TMC5: variants seen among roughly 807,000 people sequenced by gnomAD.
TMC5 encodes the protein transmembrane channel like 5, also known as transmembrane channel-like protein 5.
Under a neutral mutation model 110.5 loss-of-function variants are expected in TMC5, and 86 were observed. That is an observed-to-expected ratio of 0.78 (90% CI 0.65 to 0.93). TMC5 has a LOEUF of 0.93. Among genes scored for constraint, TMC5 ranks in the 40% least tolerant of loss-of-function variants. The probability of loss-of-function intolerance (pLI) is 0.00; values close to 1 mark genes in which losing one functional copy is unlikely to be tolerated. For missense variants in TMC5, 1,144 were observed against 1,222.8 expected (o/e 0.94, Z 0.96); for synonymous variants, 455 against 439.5 (o/e 1.04, Z -0.44).
chr16:19,468,988 T>G (rs550403324), intron 9 of TMC5, among the ~76,000 whole-genome samples: 2 of 151,096 alleles, frequency 1.3e-5, no homozygotes, highest in South Asian at 4.2e-4. Flanking sequence ...CAAGACCTCA[T>G]CCCTAAACAA....
In TMC5 at chr16:19,472,260, T is replaced by G. The variant is rs1968363011; in HGVS notation, c.1938+17T>G. On this transcript the variant is annotated intron_variant, in intron 11 of 21. Transcript: ENST00000542583. ...AACTTAGAGGTAACCAACACCAGGG[T>G]CCAGGGCAGAGAGAACCAGGTGAAG... The G allele has an allele frequency of 6.2e-7, 1 of 1,612,426 alleles. No homozygotes were observed. Among genetic ancestry groups the G allele is most frequent in the Non-Finnish European group, 8.5e-7 (1 of 1,179,380 alleles).
chr16:19,421,072 A>C (rs943707423), intron 1 of TMC5, among the ~76,000 whole-genome samples: 23 of 152,140 alleles, frequency 1.5e-4, no homozygotes, highest in African/African-American at 5.6e-4. Flanking sequence ...TATGAGACTC[A>C]TGGACACCTG....
At chr16:19,465,465 G>A (rs957863083) in intron 8 of TMC5, among the ~76,000 whole-genome samples, 1 of 152,048 alleles carries the variant, frequency 6.6e-6, no homozygotes, top group African/African-American at 2.4e-5. Flanking sequence ...AACCCGGGAG[G>A]TTGCAGTGAG....
At chr16:19,481,298 G>A in intron 14 of TMC5, 72 bp from the exon 15 acceptor site, 1 of 1,100,258 alleles carries the variant, frequency 9.1e-7, no homozygotes, top group Non-Finnish European at 1.4e-6. Flanking sequence ...TTTGTTGATT[G>A]TCCTAGTCTG....
chr16:19,483,760 G>T (rs759035339), intron 15 of TMC5, among the ~76,000 whole-genome samples: 9 of 145,750 alleles, frequency 6.2e-5, no homozygotes, highest in African/African-American at 2.3e-4. Context: ...CCTGGGCAGC[G>T]AGAGTGAAAC....
At chr16:19,434,120 TATATATCTAAA>T (rs1967263541) in intron 2 of TMC5, among the ~76,000 whole-genome samples, 1 of 117,818 alleles carries the variant, frequency 8.5e-6, no homozygotes, top group African/African-American at 3.3e-5. Context: ...TATATATATC[TATATATCTAAA>T]ATATATATAT....
chr16:19,496,243 T>C (rs781459054), intron 20 of TMC5, among the ~76,000 whole-genome samples: 7 of 152,214 alleles, frequency 4.6e-5, no homozygotes, highest in Non-Finnish European at 7.3e-5. Flanking sequence ...GATATTGCTA[T>C]ATCATTCCCT....
chr16:19,417,684 A>G (rs1022958824), upstream of TMC5: 2 of 152,216 alleles, frequency 1.3e-5, no homozygotes, highest in African/African-American at 4.8e-5. Flanking sequence ...GCTTAGGAAG[A>G]AGGAAATGCA....
At chr16:19,453,708 C>T (rs1967801096) in intron 5 of TMC5, among the ~76,000 whole-genome samples, 1 of 152,100 alleles carries the variant, frequency 6.6e-6, no homozygotes, top group Non-Finnish European at 1.5e-5. Flanking sequence ...GCAGGCACTG[C>T]AGTGAGCCAA....
intron 2 of TMC5, among the ~76,000 whole-genome samples, chr16:19,432,509 C>T (rs919351612): frequency 7.9e-5 from 12 of 152,208 alleles, no homozygotes; most frequent in African/African-American, 2.7e-4. Flanking sequence ...CTCATTTACT[C>T]CTCTAATAGT....
rs140231718 is a variant in TMC5 at position 19,479,378 on chromosome 16, T to C, written c.2170-53T>C. The C allele has an allele frequency of 7.6e-4, 1,016 of 1,337,830 alleles. 5 individuals are homozygous for C. In the African/African-American group the frequency reaches 9.9e-3, roughly 13 times the overall value. 82.9% of individuals were successfully genotyped at this position (1,337,830 alleles called of 1,614,324 possible). Reference sequence around the variant, plus strand: ...ACATAGAGCCAGGAACAGAGGAGAATTGAGCTGAGGCCACAGCCCCTTCCC... The same window carrying C: ...ACATAGAGCCAGGAACAGAGGAGAACTGAGCTGAGGCCACAGCCCCTTCCC... On this transcript the variant is annotated intron_variant, in intron 13 of 21. Coordinates refer to ENST00000542583, the MANE Select transcript of TMC5 (RefSeq NM_001261841.2).
chr16:19,456,058 T>C (rs1463760622), intron 5 of TMC5, among the ~76,000 whole-genome samples: 5 of 151,734 alleles, frequency 3.3e-5, no homozygotes, highest in Non-Finnish European at 7.4e-5. Flanking sequence ...ATACAAAAAA[T>C]TAGCCGGGCA....
chr16:19,474,054 G>A (rs961970430), intron 11 of TMC5, 71 bp from the exon 12 acceptor site: 60 of 1,457,380 alleles, frequency 4.1e-5, no homozygotes, highest in Non-Finnish European at 4.3e-5. Flanking sequence ...TATCATGGGA[G>A]ACTTTTGAGT....
intron 5 of TMC5, among the ~76,000 whole-genome samples, chr16:19,458,287 T>G (rs746523509): frequency 1.3e-5 from 2 of 152,212 alleles, no homozygotes; most frequent in Non-Finnish European, 2.9e-5. Context: ...TTTAGCTCAC[T>G]GCAGCTTCTG....
At chr16:19,448,809 A>G (rs539291798) in intron 4 of TMC5, among the ~76,000 whole-genome samples, 67 of 146,772 alleles carry the variant, frequency 4.6e-4, no homozygotes, top group South Asian at 1.3e-3. Flanking sequence ...TATAAAATAT[A>G]TAGTATAAAA....
chr16:19,458,351 C>T (rs1274855599), intron 5 of TMC5, among the ~76,000 whole-genome samples: 1 of 152,082 alleles, frequency 6.6e-6, no homozygotes, highest in Non-Finnish European at 1.5e-5. Flanking sequence ...GCTGGGATTA[C>T]AGGCACCTGA....
intron 19 of TMC5, among the ~76,000 whole-genome samples, chr16:19,492,717 G>A (rs1968938401): frequency 6.6e-6 from 1 of 151,510 alleles, no homozygotes; most frequent in East Asian, 2.0e-4. Flanking sequence ...TGGGATTACA[G>A]CCATCACACC....
At chr16:19,471,597 C>A (rs1004513130) in intron 10 of TMC5, among the ~76,000 whole-genome samples, 12 of 152,124 alleles carry the variant, frequency 7.9e-5, no homozygotes, top group Non-Finnish European at 1.6e-4. Context: ...TATGGGTCTC[C>A]CATAATCCAT....
At chr16:19,428,762 C>A (rs1479504895) in intron 1 of TMC5, among the ~76,000 whole-genome samples, 1 of 152,032 alleles carries the variant, frequency 6.6e-6, no homozygotes, top group Non-Finnish European at 1.5e-5. Context: ...GAAGGGAAAA[C>A]AAACAAACAA....
Sources: allele counts gnomAD v4.1 joint callset (sites outside exome capture counted in the v4.1 genomes callset), GRCh38; gene constraint gnomAD v4.1.1; transcripts MANE v1.5; gene names NCBI Gene and HGNC (gene_info 2026-07-23, HGNC 2026-07-21).